Variants in EXOC4 observed in about 807,000 individuals in gnomAD.
EXOC4 encodes exocyst complex component 4, also known as SEC8-like 1.
In EXOC4, 71 loss-of-function variants were observed where a neutral mutation model predicts 107.2. The ratio of observed to expected loss-of-function variants is 0.66; its 90% CI spans 0.55 to 0.81. The LOEUF (loss-of-function observed/expected upper bound fraction) is 0.81, where lower values mean the gene tolerates loss of function less well. EXOC4 is among the 30% of genes least tolerant of loss of function. The pLI is 0.00. For missense variants in EXOC4, 1,108 were observed against 1,189.6 expected, an observed-to-expected ratio of 0.93 and a Z score of 1.01; for synonymous variants, 456 against 441.2, an observed-to-expected ratio of 1.03 and a Z score of -0.42.
chr7:133,432,801 G>A (rs1193467598), intron 7 of EXOC4, among the ~76,000 whole-genome samples: 1 of 152,030 alleles, frequency 6.6e-6, no homozygotes, highest in East Asian at 1.9e-4. Flanking sequence ...TCTTTTCTTT[G>A]TAATTCTGCT....
intron 1 of EXOC4, among the ~76,000 whole-genome samples, chr7:133,259,685 TATTTCAG>T (rs1795098802): frequency 6.6e-6 from 1 of 152,172 alleles, no homozygotes; most frequent in South Asian, 2.1e-4. Flanking sequence ...TAAGAAAAAT[TATTTCAG>T]ATTTTATCCT....
At chr7:133,814,002 G>C (rs1797301635) in intron 10 of EXOC4, among the ~76,000 whole-genome samples, 1 of 152,092 alleles carries the variant, frequency 6.6e-6, no homozygotes, top group African/African-American at 2.4e-5. Context: ...ATTAAATATA[G>C]TCTTTGATAT....
chr7:133,262,942 T>TG (rs1399423960), intron 1 of EXOC4, among the ~76,000 whole-genome samples: 1 of 152,216 alleles, frequency 6.6e-6, no homozygotes, highest in East Asian at 1.9e-4. Flanking sequence ...AATTTAATCA[T>TG]GGGGGCAGGT....
chr7:133,255,186 CTTTTT>C (rs761906356), intron 1 of EXOC4, among the ~76,000 whole-genome samples: 36 of 150,002 alleles, frequency 2.4e-4, no homozygotes, highest in African/African-American at 6.1e-4. Flanking sequence ...CTTTTCTTTT[CTTTTT>C]TTTTGAGACA....
chr7:134,003,921 T>C (rs1794584066), intron 15 of EXOC4, among the ~76,000 whole-genome samples: 1 of 152,122 alleles, frequency 6.6e-6, no homozygotes, highest in Non-Finnish European at 1.5e-5. Flanking sequence ...CTGAGAATTG[T>C]GTGTGACCAG....
intron 7 of EXOC4, 161 bp downstream of exon 7, chr7:133,375,163 A>C (rs1796461444): frequency 1.9e-5 from 12 of 631,298 alleles, no homozygotes. Context: ...GATGGCATTA[A>C]CTTCTACTAT....
chr7:133,447,739 A>G (rs960345285), intron 7 of EXOC4, among the ~76,000 whole-genome samples: 4 of 152,108 alleles, frequency 2.6e-5, no homozygotes, highest in Non-Finnish European at 5.9e-5. Flanking sequence ...ACCTTCATTT[A>G]TATTTACTTA....
chr7:133,917,745 G>C lies in EXOC4; in HGVS notation c.2027+7G>C. 1 of 1,613,226 alleles carries C rather than the reference G, an allele frequency of 6.2e-7. No homozygotes were observed. The highest frequency in any genetic ancestry group is 8.5e-7 in the Non-Finnish European group (1 of 1,179,650). ...AGGAAGAAGATTTCATAAGGTAAAA[G>C]GTCCATTTTCTAAGTTGTCCTAAAC... On this transcript the variant is annotated splice_region_variant and intron_variant, in intron 13 of 17. Coordinates refer to ENST00000253861, the MANE Select transcript of EXOC4 (RefSeq NM_021807.4).
At chr7:134,031,129 G>A (rs535462929) in intron 17 of EXOC4, among the ~76,000 whole-genome samples, 18 of 152,104 alleles carry the variant, frequency 1.2e-4, no homozygotes, top group Non-Finnish European at 2.6e-4. Context: ...GCGGGGAAGG[G>A]GATAACAGCT....
chr7:133,426,152 C>T (rs989579838), intron 7 of EXOC4, among the ~76,000 whole-genome samples: 6 of 152,110 alleles, frequency 3.9e-5, no homozygotes, highest in African/African-American at 1.2e-4. Context: ...ACCCACTTCC[C>T]GTAGATGTTT....
chr7:133,930,980 G>C (rs1412392066), intron 13 of EXOC4, among the ~76,000 whole-genome samples: 2 of 150,608 alleles, frequency 1.3e-5, no homozygotes, highest in African/African-American at 2.4e-5. Context: ...TACATTTATG[G>C]CATTTTTTTT....
At chr7:133,761,270 A>G (rs557423055) in intron 10 of EXOC4, among the ~76,000 whole-genome samples, 1 of 152,274 alleles carries the variant, frequency 6.6e-6, no homozygotes, top group South Asian at 2.1e-4. Flanking sequence ...AGATGAGATG[A>G]TTCAATTAGC....
rs112009132 is a variant in EXOC4 at position 133,711,879 on chromosome 7, A to G, written c.1514+81738A>G. 2.6e-3 allele frequency among the ~76,000 whole-genome samples: 395 copies of G among 152,108 alleles called. 2 individuals are homozygous for G. Among genetic ancestry groups the G allele is most frequent in the African/African-American group, 8.7e-3 (361 of 41,508 alleles). On this transcript the variant is annotated intron_variant, in intron 10 of 17. Coordinates refer to ENST00000253861, the MANE Select transcript of EXOC4 (RefSeq NM_021807.4). The stretch of plus-strand genomic sequence containing the variant: ...ACCATGCCTTCCTGTTTATTTATTT[A>G]TTTATGCCCATTTTGGATTTATTTT...
At position 134,018,283 on chromosome 7, in the gene EXOC4, T is replaced by G. The variant is rs576523058; in HGVS notation, c.2687+10448T>G. 2.4e-3 allele frequency among the ~76,000 whole-genome samples: 366 copies of G among 152,288 alleles called. 2 individuals carry two copies. The highest frequency in any genetic ancestry group is 4.6e-3 in the Non-Finnish European group (313 of 68,026). On this transcript the variant is annotated intron_variant, in intron 17 of 17. Transcript: ENST00000253861. ...ACCTTTCTTGTTTTCTAAATAAAGA[T>G]GTAGTGTTTAAATTTTGATGCTTGA...
chr7:133,783,597 A>G lies in EXOC4; in HGVS notation c.1515-33728A>G, dbSNP rs1008774229. Among the ~76,000 whole-genome samples, 4 of 152,242 alleles carry G rather than the reference A, an allele frequency of 2.6e-5. No individual in the cohort carries two copies. In the East Asian group the frequency reaches 7.7e-4, roughly 29 times the overall value. ...TTCTTGAACTCTGTTACATTTAGGT[A>G]GTGTAAGAAAGTGTGTATTCGGTGA... On this transcript the variant is annotated intron_variant, in intron 10 of 17. Coordinates refer to ENST00000253861, the MANE Select transcript of EXOC4 (RefSeq NM_021807.4).
At chr7:133,816,163 G>GTTAC (rs1797363912) in intron 10 of EXOC4, among the ~76,000 whole-genome samples, 1 of 152,128 alleles carries the variant, frequency 6.6e-6, no homozygotes, top group African/African-American at 2.4e-5. Flanking sequence ...TTATACTTTA[G>GTTAC]TTACTTAAGT....
chr7:133,690,382 T>C (rs576022485), intron 10 of EXOC4, among the ~76,000 whole-genome samples: 14 of 152,342 alleles, frequency 9.2e-5, no homozygotes, highest in South Asian at 6.2e-4. Context: ...TTTGCAGTCA[T>C]GGCAGCAGCT....
intron 12 of EXOC4, among the ~76,000 whole-genome samples, chr7:133,899,723 T>C (rs1383246764): frequency 4.0e-5 from 6 of 151,002 alleles, no homozygotes; most frequent in South Asian, 2.1e-4. Context: ...CCCCAGAGTA[T>C]ACCCAGTGTT....
At chr7:133,740,075 AATATTTCATATT>A (rs1795533283) in intron 10 of EXOC4, among the ~76,000 whole-genome samples, 1 of 152,298 alleles carries the variant, frequency 6.6e-6, no homozygotes, top group East Asian at 1.9e-4. Context: ...CCAGTTTTGT[AATATTTCATATT>A]ATAATGTAGT....
Sources: gnomAD v4.1 joint callset for allele counts (sites outside exome capture counted in the v4.1 genomes callset) on GRCh38, gnomAD v4.1.1 for gene constraint, MANE v1.5 for transcripts, NCBI Gene and HGNC (gene_info 2026-07-23, HGNC 2026-07-21) for gene names.